Variants in NPAS3 observed in about 807,000 individuals in gnomAD.
NPAS3 encodes the protein neuronal PAS domain-containing protein 3.
A neutral mutation model predicts 73.1 loss-of-function variants in NPAS3; 14 were observed. The observed-to-expected ratio is 0.19, with a 90% CI of 0.13 to 0.30. The LOEUF is 0.30. Among genes scored for constraint, NPAS3 ranks in the 10% least tolerant of loss-of-function variants. NPAS3 has a pLI of 1.00. For missense variants in NPAS3, 1,096 were observed against 1,250.0 expected (o/e 0.88, Z 1.86); for synonymous variants, 620 against 541.5 (o/e 1.14, Z -2.01).
intron 3 of NPAS3, among the ~76,000 whole-genome samples, chr14:33,313,635 AT>A (rs924774684): frequency 6.6e-5 from 10 of 152,040 alleles, no homozygotes; most frequent in African/African-American, 2.4e-4. Flanking sequence ...AGCAATAGGT[AT>A]TTGCGGCTAA....
At chr14:33,333,458 A>G (rs1434941555) in intron 3 of NPAS3, among the ~76,000 whole-genome samples, 1 of 152,196 alleles carries the variant, frequency 6.6e-6, no homozygotes, top group Admixed American at 6.5e-5. Context: ...AACCTTATGA[A>G]GTAAGTAGGT....
At chr14:33,039,839 TTTAAA>T (rs1429362023) in intron 1 of NPAS3, among the ~76,000 whole-genome samples, 1 of 152,228 alleles carries the variant, frequency 6.6e-6, no homozygotes, top group Non-Finnish European at 1.5e-5. Flanking sequence ...GAATCAGGCC[TTTAAA>T]TTAATCTGGC....
At chr14:33,041,342 T>C (rs2040341945) in intron 1 of NPAS3, among the ~76,000 whole-genome samples, 2 of 152,166 alleles carry the variant, frequency 1.3e-5, no homozygotes, top group Non-Finnish European at 2.9e-5. Context: ...GAGATATTTA[T>C]GAAGGTAATA....
intron 4 of NPAS3, among the ~76,000 whole-genome samples, chr14:33,543,987 A>ATC (rs2054652056): frequency 8.0e-5 from 3 of 37,426 alleles, no homozygotes; most frequent in Non-Finnish European, 1.3e-4. Flanking sequence ...ATATATATAT[A>ATC]TATATATATA....
intron 5 of NPAS3, chr14:33,612,379 C>T (rs557164255): frequency 2.2e-6 from 1 of 455,754 alleles, no homozygotes; most frequent in South Asian, 1.5e-5. Flanking sequence ...CGCCCTGAAA[C>T]CTGTTGTCTT....
At chr14:33,772,355 C>T (rs1007048423) in intron 7 of NPAS3, among the ~76,000 whole-genome samples, 4 of 152,176 alleles carry the variant, frequency 2.6e-5, no homozygotes, top group Non-Finnish European at 5.9e-5. Flanking sequence ...CTGGACCCAA[C>T]TTTGGCCCCC....
intron 2 of NPAS3, among the ~76,000 whole-genome samples, chr14:33,150,414 G>A (rs563885428): frequency 6.6e-6 from 1 of 152,116 alleles, no homozygotes; most frequent in South Asian, 2.1e-4. Context: ...GCAATAAATT[G>A]GTAGGTTGCG....
At chr14:33,595,326 CTT>C (rs1011957261) in intron 5 of NPAS3, among the ~76,000 whole-genome samples, 1 of 147,768 alleles carries the variant, frequency 6.8e-6, no homozygotes, top group Non-Finnish European at 1.5e-5. Flanking sequence ...TTCTCTGCCT[CTT>C]TTTTTTTTAA....
chr14:33,622,326 A>G (rs2058099548), intron 5 of NPAS3, among the ~76,000 whole-genome samples: 1 of 151,992 alleles, frequency 6.6e-6, no homozygotes, highest in Non-Finnish European at 1.5e-5. Context: ...AAAAAAAGCC[A>G]TTTTACTGAA....
intron 3 of NPAS3, among the ~76,000 whole-genome samples, chr14:33,362,273 G>C (rs1448815615): frequency 6.6e-6 from 1 of 152,044 alleles, no homozygotes; most frequent in Non-Finnish European, 1.5e-5. Flanking sequence ...CCCCACAGAA[G>C]GCAGAGTGAT....
At chr14:33,354,839 C>T (rs1055885235) in intron 3 of NPAS3, among the ~76,000 whole-genome samples, 23 of 152,142 alleles carry the variant, frequency 1.5e-4, no homozygotes, top group Admixed American at 9.2e-4. Flanking sequence ...CCCCTCTCTA[C>T]GGTCTTACTT....
At chr14:33,355,644 A>G (rs915078028) in intron 3 of NPAS3, among the ~76,000 whole-genome samples, 17 of 152,130 alleles carry the variant, frequency 1.1e-4, no homozygotes, top group African/African-American at 3.9e-4. Context: ...CCCAGTCTCT[A>G]AATTCCTTGA....
chr14:33,225,438 T>G (rs536956671), intron 3 of NPAS3, among the ~76,000 whole-genome samples: 14 of 152,278 alleles, frequency 9.2e-5, no homozygotes, highest in Admixed American at 5.9e-4. Context: ...AAAACCTAGT[T>G]ATAGAGTTCT....
chr14:33,005,549 C>T lies in NPAS3; in HGVS notation c.51-50356C>T, dbSNP rs117918887. ...TGAGATAGCTGGAACCCCAAGCGGA[C>T]GACATTTTCCACCTAGGGAAGGCAT... is the stretch of plus-strand genomic sequence containing the variant. On this transcript the variant is annotated intron_variant, in intron 1 of 11. Transcript: ENST00000356141. Among the ~76,000 whole-genome samples the T allele has an allele frequency of 4.2e-3, 635 of 152,132 alleles. 2 individuals carry two copies. The highest frequency in any genetic ancestry group is 6.9e-3 in the Non-Finnish European group (466 of 68,006).
chr14:33,612,256 T>C (rs2057773743), intron 5 of NPAS3: 1 of 360,742 alleles, frequency 2.8e-6, no homozygotes, highest in Admixed American at 3.3e-5. Flanking sequence ...TGGAGAACAG[T>C]GATGCCCCAC....
At chr14:33,039,572 C>A (rs2040282623) in intron 1 of NPAS3, among the ~76,000 whole-genome samples, 1 of 152,200 alleles carries the variant, frequency 6.6e-6, no homozygotes, top group Admixed American at 6.5e-5. Flanking sequence ...TTCCTCCTGA[C>A]CTGTTTCGTG....
At chr14:33,625,609 A>C (rs1344325231) in intron 5 of NPAS3, among the ~76,000 whole-genome samples, 1 of 152,224 alleles carries the variant, frequency 6.6e-6, no homozygotes, top group Non-Finnish European at 1.5e-5. Context: ...TTTCTATCTG[A>C]CATTATTCCA....
chr14:33,055,796 A>AG, intron 1 of NPAS3, 109 bp from the exon 2 acceptor site: 1 of 531,786 alleles, frequency 1.9e-6, no homozygotes, highest in African/African-American at 2.0e-5. Context: ...GTAGAGCTCA[A>AG]AAGCGTAAAA....
At chr14:33,031,848 T>C (rs183822543) in intron 1 of NPAS3, among the ~76,000 whole-genome samples, 20 of 152,384 alleles carry the variant, frequency 1.3e-4, no homozygotes, top group Non-Finnish European at 2.6e-4. Context: ...CAGATTGTTC[T>C]AGGTAGGGTA....
Sources: gnomAD v4.1 joint callset for allele counts (sites outside exome capture counted in the v4.1 genomes callset) on GRCh38, gnomAD v4.1.1 for gene constraint, MANE v1.5 for transcripts, NCBI Gene and HGNC (gene_info 2026-07-23, HGNC 2026-07-21) for gene names.